WDFY2: variants seen among roughly 807,000 people sequenced by gnomAD.
The protein encoded by WDFY2 is WD repeat and FYVE domain containing 2.
WDFY2 carries 36 observed loss-of-function variants against 56.4 expected under a neutral mutation model. That is an observed-to-expected ratio of 0.64 (90% confidence interval 0.49 to 0.84). The LOEUF (loss-of-function observed/expected upper bound fraction) is 0.84, where lower values mean the gene tolerates loss of function less well. Ranked by LOEUF, WDFY2 falls within the 40% of genes least tolerant of loss-of-function variation. The pLI, the probability that WDFY2 is intolerant of heterozygous loss-of-function variation, is 0.00. For synonymous variants in WDFY2, 176 were observed against 183.7 expected (o/e 0.96, Z 0.34); for missense variants, 444 against 512.2 (o/e 0.87, Z 1.29).
chr13:51,722,835 A>G (rs1166926373), intron 5 of WDFY2, among the ~76,000 whole-genome samples: 2 of 152,202 alleles, frequency 1.3e-5, no homozygotes, highest in Non-Finnish European at 2.9e-5. Context: ...TTCCTTCCCC[A>G]CTTCACTTGT....
At chr13:51,746,472 G>C (rs1220179606) in intron 7 of WDFY2, among the ~76,000 whole-genome samples, 1 of 152,214 alleles carries the variant, frequency 6.6e-6, no homozygotes, top group African/African-American at 2.4e-5. Context: ...TAAGTTGGCT[G>C]TATGAGTTCT....
chr13:51,689,473 TG>T (rs1198074562), intron 3 of WDFY2, among the ~76,000 whole-genome samples: 6 of 152,294 alleles, frequency 3.9e-5, no homozygotes, highest in Admixed American at 2.0e-4. Context: ...AAGCAGCTGC[TG>T]TGGTTGCACA....
intron 3 of WDFY2, among the ~76,000 whole-genome samples, chr13:51,695,911 G>C (rs985355169): frequency 3.3e-5 from 5 of 152,212 alleles, no homozygotes; most frequent in Non-Finnish European, 5.9e-5. Context: ...CCTTGCTGCC[G>C]CCTTGCAGTT....
chr13:51,600,523 G>A (rs1954253564), intron 1 of WDFY2, among the ~76,000 whole-genome samples: 3 of 152,180 alleles, frequency 2.0e-5, no homozygotes, highest in Non-Finnish European at 2.9e-5. Context: ...GGCTGCTCCT[G>A]AATTTTACAT....
intron 1 of WDFY2, among the ~76,000 whole-genome samples, chr13:51,633,283 T>G (rs1339096990): frequency 6.6e-6 from 1 of 152,236 alleles, no homozygotes; most frequent in Non-Finnish European, 1.5e-5. Flanking sequence ...CCTGGTGGAC[T>G]TGGCCACCCC....
At chr13:51,732,212 C>T (rs1167174821) in intron 6 of WDFY2, among the ~76,000 whole-genome samples, 2 of 151,990 alleles carry the variant, frequency 1.3e-5, no homozygotes, top group African/African-American at 4.8e-5. Context: ...CTCACTGCAA[C>T]CTCCATTTCC....
intron 5 of WDFY2, among the ~76,000 whole-genome samples, chr13:51,724,691 C>T (rs953829502): frequency 6.6e-6 from 1 of 152,204 alleles, no homozygotes; most frequent in Non-Finnish European, 1.5e-5. Flanking sequence ...TGCTTGTTAA[C>T]AATCAGTGAA....
At chr13:51,691,544 C>G (rs1852850692) in intron 3 of WDFY2, among the ~76,000 whole-genome samples, 1 of 151,864 alleles carries the variant, frequency 6.6e-6, no homozygotes, top group African/African-American at 2.4e-5. Context: ...CTGTTCCGTT[C>G]CATTGATCTA....
intron 5 of WDFY2, among the ~76,000 whole-genome samples, chr13:51,722,368 T>G (rs893466634): frequency 6.6e-6 from 1 of 152,118 alleles, no homozygotes; most frequent in Admixed American, 6.5e-5. Flanking sequence ...AAGAGACTGG[T>G]TCATAAATTG....
chr13:51,683,240 T>G (rs1956007641), intron 3 of WDFY2, among the ~76,000 whole-genome samples: 1 of 152,226 alleles, frequency 6.6e-6, no homozygotes, highest in Non-Finnish European at 1.5e-5. Flanking sequence ...TCTATTGTTT[T>G]AGGAATTTGG....
chr13:51,660,902 G>T (rs146496427), intron 2 of WDFY2, among the ~76,000 whole-genome samples: 175 of 152,314 alleles, frequency 1.1e-3, no homozygotes, highest in African/African-American at 3.7e-3. Flanking sequence ...ACTACAGCAC[G>T]TAGGCTTTCT....
chr13:51,728,616 T>C (rs1241728526), intron 6 of WDFY2, among the ~76,000 whole-genome samples: 2 of 152,094 alleles, frequency 1.3e-5, no homozygotes, highest in Non-Finnish European at 2.9e-5. Context: ...GATGTAAAAT[T>C]GGATAGTACC....
At chr13:51,603,965 A>G (rs1439720856) in intron 1 of WDFY2, among the ~76,000 whole-genome samples, 61 of 152,164 alleles carry the variant, frequency 4.0e-4, no homozygotes, top group Admixed American at 4.0e-3. Flanking sequence ...GTGTTTGCCT[A>G]GTGAAAGAGG....
At position 51,631,227 on chromosome 13, in the gene WDFY2, CA is replaced by C. The variant is rs955956520; in HGVS notation, c.138-29363del. Among the ~76,000 whole-genome samples, 6 of 151,556 alleles carry C rather than the reference CA, an allele frequency of 4.0e-5. No homozygotes were observed. In the East Asian group the frequency reaches 7.8e-4, roughly 20 times the overall value. On this transcript the variant is annotated intron_variant, in intron 1 of 11. Coordinates refer to ENST00000298125, the MANE Select transcript of WDFY2 (RefSeq NM_052950.4). ...GGCAAGATGGAGAAATCCGTCTCTA[CA>C]AAAAATGTAAAAATCAGCTGGGTGT...
intron 1 of WDFY2, among the ~76,000 whole-genome samples, chr13:51,623,910 C>T (rs1271968694): frequency 6.6e-6 from 1 of 151,962 alleles, no homozygotes; most frequent in Non-Finnish European, 1.5e-5. Flanking sequence ...TGTCTCCACA[C>T]CATCCCTGCC....
chr13:51,623,710 G>A (rs893055489), intron 1 of WDFY2, among the ~76,000 whole-genome samples: 1 of 152,136 alleles, frequency 6.6e-6, no homozygotes, highest in African/African-American at 2.4e-5. Flanking sequence ...TGCACATCCT[G>A]TGAACATTGG....
chr13:51,588,841 C>A (rs1456041738), intron 1 of WDFY2: 1 of 152,090 alleles, frequency 6.6e-6, no homozygotes, highest in Non-Finnish European at 1.5e-5. Flanking sequence ...AATTACTGAA[C>A]CCTTTGGTTG....
intron 5 of WDFY2, among the ~76,000 whole-genome samples, chr13:51,722,149 A>G (rs184127101): frequency 3.4e-4 from 52 of 152,186 alleles, no homozygotes; most frequent in African/African-American, 1.2e-3. Context: ...TTATCTTCAT[A>G]GTAGACAGCT....
chr13:51,645,073 T>G (rs961832161), intron 1 of WDFY2, among the ~76,000 whole-genome samples: 1 of 152,242 alleles, frequency 6.6e-6, no homozygotes, highest in Non-Finnish European at 1.5e-5. Flanking sequence ...AGAAATCAAC[T>G]TTTAAAAAAT....
Sources: allele counts gnomAD v4.1 joint callset (sites outside exome capture counted in the v4.1 genomes callset), GRCh38; gene constraint gnomAD v4.1.1; transcripts MANE v1.5; gene names NCBI Gene and HGNC (gene_info 2026-07-23, HGNC 2026-07-21).